Variants in CDH22 observed in about 807,000 individuals in gnomAD.
The protein encoded by CDH22 is cadherin 22.
In CDH22, 30 loss-of-function variants were observed where a neutral mutation model predicts 58.4. The observed-to-expected ratio is 0.51, with a 90% CI of 0.38 to 0.70. The LOEUF (loss-of-function observed/expected upper bound fraction) is 0.70, where lower values mean the gene tolerates loss of function less well. Ranked by LOEUF, CDH22 falls within the 30% of genes least tolerant of loss-of-function variation. The pLI, the probability that CDH22 is intolerant of heterozygous loss-of-function variation, is 0.00. For missense variants in CDH22, 1,014 were observed against 1,233.9 expected (o/e 0.82, Z 2.67); for synonymous variants, 513 against 558.2 (o/e 0.92, Z 1.14).
chr20:46,307,866 G>A (rs2059030870), intron 1 of CDH22, among the ~76,000 whole-genome samples: 1 of 151,986 alleles, frequency 6.6e-6, no homozygotes, highest in Non-Finnish European at 1.5e-5. Flanking sequence ...TCGCGTCAGG[G>A]CTGTGCGCCA....
chr20:46,179,023 G>A (rs1204514966), intron 10 of CDH22, among the ~76,000 whole-genome samples: 4 of 152,254 alleles, frequency 2.6e-5, no homozygotes, highest in Non-Finnish European at 4.4e-5. Context: ...CAGGCAGGAC[G>A]CAGGGGGATG....
chr20:46,284,147 C>G (rs1411228973), intron 1 of CDH22, among the ~76,000 whole-genome samples: 1 of 152,024 alleles, frequency 6.6e-6, no homozygotes, highest in Admixed American at 6.5e-5. Flanking sequence ...CCTATACACA[C>G]CGAGAGGGGG....
chr20:46,199,591 T>C (rs777207879), intron 7 of CDH22, 32 bp from the exon 8 acceptor site: 2 of 1,606,310 alleles, frequency 1.2e-6, no homozygotes, highest in Non-Finnish European at 1.7e-6. Context: ...TGATTGAAGG[T>C]GCCCCAGTGC....
intron 4 of CDH22, among the ~76,000 whole-genome samples, chr20:46,222,892 A>C (rs1008404084): frequency 6.6e-6 from 1 of 152,184 alleles, no homozygotes; most frequent in African/African-American, 2.4e-5. Flanking sequence ...GCTCCCTGCT[A>C]TCTGCACAGC....
rs2085719054 is a variant in CDH22 at position 46,174,423 on chromosome 20, G to T, written c.*83C>A. On this transcript the variant is annotated 3_prime_UTR_variant, in exon 12 of 12. Transcript: ENST00000537909. The surrounding 1 kb of genome is among the most constrained non-coding windows in gnomAD (Gnocchi z 4.4). ...GGGTTGGGGGAGGGCAGGAAAGGGG[G>T]TCCGCGGGGGAAACGCGTTGTCCTG... The T allele has an allele frequency of 1.0e-6, 1 of 992,022 alleles. No homozygotes were observed. Among genetic ancestry groups the T allele is most frequent in the African/African-American group, 1.7e-5 (1 of 57,678 alleles). The allele number at this position is 992,022 out of a possible 1,614,324, so 61.5% of individuals were successfully genotyped here. A position where few individuals can be genotyped will look rare whatever the true frequency, so the allele number is the denominator to read the frequency against.
At chr20:46,270,759 G>T (rs1253620184) in intron 1 of CDH22, among the ~76,000 whole-genome samples, 1 of 152,180 alleles carries the variant, frequency 6.6e-6, no homozygotes, top group Non-Finnish European at 1.5e-5. Flanking sequence ...AGAAGTCCAG[G>T]CTGGGAGATA....
intron 10 of CDH22, among the ~76,000 whole-genome samples, chr20:46,185,084 T>TCAAACAAA (rs139877494): frequency 0.44 from 66,008 of 149,030 alleles, 14,955 homozygotes; most frequent in African/African-American, 0.5. Flanking sequence ...AGATGCTGTC[T>TCAAACAAA]CAAACAAACA....
At chr20:46,191,609 T>G (rs1206201310) in intron 8 of CDH22, among the ~76,000 whole-genome samples, 1 of 151,898 alleles carries the variant, frequency 6.6e-6, no homozygotes, top group Non-Finnish European at 1.5e-5. Flanking sequence ...AGGCAGGGAG[T>G]GCTGTTGTTG....
chr20:46,183,834 A>G (rs1020197066), intron 10 of CDH22, among the ~76,000 whole-genome samples: 53 of 152,250 alleles, frequency 3.5e-4, no homozygotes, highest in African/African-American at 1.2e-3. Flanking sequence ...CAAGGCCAGA[A>G]GGAACCCACA....
intron 10 of CDH22, among the ~76,000 whole-genome samples, chr20:46,179,554 C>T (rs183409026): frequency 1.2e-4 from 19 of 152,310 alleles, no homozygotes; most frequent in Admixed American, 1.2e-3. Flanking sequence ...GGAGGCTGCC[C>T]ACGAGGTGCC....
Position 46,174,880 on chromosome 20 carries a change from T to A in CDH22, c.2113A>T (p.Ser705Cys), listed in dbSNP as rs1426057729. 3 of 1,070,424 alleles carry A rather than the reference T, an allele frequency of 2.8e-6. No individual in the cohort carries two copies. The highest frequency in any genetic ancestry group is 3.5e-6 in the Non-Finnish European group (3 of 845,176). The allele number at this position is 1,070,424 out of a possible 1,614,324, so 66.3% of individuals were successfully genotyped here. Residue 705 changes from serine (S) to cysteine (C), a missense_variant, in exon 12 of 12, where the codon AGC becomes TGC. Around this residue, in one of 2 missense-constraint regions of CDH22, gnomAD observed 208 missense variants for 195.2 expected, o/e 1.07. Coordinates refer to ENST00000537909, the MANE Select transcript of CDH22 (RefSeq NM_021248.3). This position sits in a 1 kb window ranked among gnomAD's most constrained non-coding sequence, Gnocchi z 4.4. ...GELKGGDGGGSAGGGAGGGSG... is the reference protein window; with the variant it reads ...GELKGGDGGGCAGGGAGGGSG... ...CCCCCGCCCGCTCCCCCGCCCGCGC[T>A]GCCGCCCCCGTCGCCGCCCTTGAGC...
At position 46,210,314 on chromosome 20, in the gene CDH22, G is replaced by T; in HGVS notation, c.1279C>A (p.Pro427Thr). The change falls in exon 7 of 12, where the codon CCC becomes ACC. Residue 427 changes from proline to threonine, a missense_variant. This residue lies in a region of CDH22 where 806 missense variants were observed against 1,038.7 expected (regional missense o/e 0.78). Coordinates refer to ENST00000537909, the MANE Select transcript of CDH22 (RefSeq NM_021248.3). The surrounding 1 kb of genome is among the most constrained non-coding windows in gnomAD (Gnocchi z 4.5). ...CCCGGGCGGGGGTCTCACCGGACGG[G>T]CCGGTTGGCGGCGTCGGGGTCCCGC... ...TARDPDAANR[P>T]VRYAIDRESD... 1 of 1,444,212 alleles carries T rather than the reference G, an allele frequency of 6.9e-7. No homozygotes were observed. Among genetic ancestry groups the T allele is most frequent in the Non-Finnish European group, 9.1e-7 (1 of 1,104,130 alleles). The allele number at this position is 1,444,212 out of a possible 1,614,324, so 89.5% of individuals were successfully genotyped here.
chr20:46,242,275 G>T (rs897838986), intron 2 of CDH22, among the ~76,000 whole-genome samples: 3 of 152,172 alleles, frequency 2.0e-5, no homozygotes, highest in African/African-American at 7.2e-5. Context: ...CAGGCCACTG[G>T]AAGAGCTGGT....
intron 8 of CDH22, among the ~76,000 whole-genome samples, chr20:46,190,408 C>G (rs1455587664): frequency 6.6e-6 from 1 of 152,162 alleles, no homozygotes. Context: ...TGTCAGGGGC[C>G]CTCCTGCTGC....
At chr20:46,298,569 G>C (rs2086638373) in intron 1 of CDH22, among the ~76,000 whole-genome samples, 1 of 152,158 alleles carries the variant, frequency 6.6e-6, no homozygotes, top group African/African-American at 2.4e-5. Context: ...ACTGCAGGCA[G>C]ATGGATGTTT....
chr20:46,220,546 A>ATTG (rs972748898), intron 4 of CDH22: 17 of 152,380 alleles, frequency 1.1e-4, no homozygotes, highest in African/African-American at 3.6e-4. Context: ...GCCATCCAGG[A>ATTG]CCTCAGTGAA....
intron 1 of CDH22, among the ~76,000 whole-genome samples, chr20:46,278,303 G>T (rs1177900024): frequency 6.6e-6 from 1 of 152,192 alleles, no homozygotes; most frequent in Non-Finnish European, 1.5e-5. Flanking sequence ...CAGCCTCTTG[G>T]TTCTGTGCAT....
chr20:46,270,580 C>G (rs1307316411), intron 1 of CDH22, among the ~76,000 whole-genome samples: 1 of 152,168 alleles, frequency 6.6e-6, no homozygotes, highest in Non-Finnish European at 1.5e-5. Flanking sequence ...GCTATGGATT[C>G]TAGTCATGGA....
Position 46,251,306 on chromosome 20 carries a change from G to T in CDH22, c.-12C>A. On this transcript the variant is annotated 5_prime_UTR_variant, in exon 2 of 12. Coordinates refer to ENST00000537909, the MANE Select transcript of CDH22 (RefSeq NM_021248.3). The surrounding 1 kb of genome is among the most constrained non-coding windows in gnomAD (Gnocchi z 6.7). ...GGCCTCGGCCTCATCCTTGGCCTGC[G>T]CGGGGCTGGGGCCCAGGAGCATGGA... 6.9e-7 allele frequency: 1 copy of T among 1,443,656 alleles called. No individual in the cohort carries two copies. The highest frequency in any genetic ancestry group is 9.0e-7 in the Non-Finnish European group (1 of 1,106,940). The allele number at this position is 1,443,656 out of a possible 1,614,324, so 89.4% of individuals were successfully genotyped here.
Sources: gnomAD v4.1 joint callset for allele counts (sites outside exome capture counted in the v4.1 genomes callset) on GRCh38, gnomAD v4.1.1 for gene constraint, gnomAD v4.1.1 regional missense constraint, Gnocchi (gnomAD v3.1) non-coding constraint, MANE v1.5 for transcripts, NCBI Gene and HGNC (gene_info 2026-07-23, HGNC 2026-07-21) for gene names.